The following FMNL2 variants were observed in gnomAD, a reference collection of about 807,000 sequenced individuals.
The protein encoded by FMNL2 is formin like 2.
In FMNL2, 51 loss-of-function variants were observed where a neutral mutation model predicts 130.2. That is an observed-to-expected ratio of 0.39 (90% CI 0.31 to 0.49). FMNL2 has a LOEUF of 0.49. Among genes scored for constraint, FMNL2 ranks in the 20% least tolerant of loss-of-function variants. The pLI is 0.85. For missense variants in FMNL2, 977 were observed against 1,316.2 expected (o/e 0.74, Z 3.99); for synonymous variants, 465 against 467.1 (o/e 1.00, Z 0.06).
At chr2:152,593,858 A>AGT (rs1697582954) in intron 9 of FMNL2, among the ~76,000 whole-genome samples, 10 of 101,570 alleles carry the variant, frequency 9.8e-5, no homozygotes, top group Non-Finnish European at 1.3e-4. Flanking sequence ...AGAGAGAGAG[A>AGT]GAGTGTGTGT....
intron 1 of FMNL2, among the ~76,000 whole-genome samples, chr2:152,456,639 T>C (rs1395612809): frequency 3.9e-5 from 6 of 152,042 alleles, no homozygotes; most frequent in Non-Finnish European, 7.4e-5. Flanking sequence ...TGGAGAGAAG[T>C]GGTGTATTTT....
intron 7 of FMNL2, among the ~76,000 whole-genome samples, chr2:152,577,257 C>T (rs1696528195): frequency 6.6e-6 from 1 of 152,030 alleles, no homozygotes; most frequent in African/African-American, 2.4e-5. Flanking sequence ...GGCACCAGGG[C>T]TTTTGTCTTG....
At chr2:152,531,709 C>G (rs1218954867) in intron 2 of FMNL2, among the ~76,000 whole-genome samples, 2 of 152,074 alleles carry the variant, frequency 1.3e-5, no homozygotes, top group Non-Finnish European at 2.9e-5. Flanking sequence ...CTCCTGACCT[C>G]AAGTGATCCC....
chr2:152,575,058 G>GTAGT (rs1696400200), intron 6 of FMNL2, 78 bp from the exon 7 acceptor site: 1 of 760,942 alleles, frequency 1.3e-6, no homozygotes, highest in Non-Finnish European at 2.2e-6. Context: ...CTGGTGAAGA[G>GTAGT]TAGTGTCTGT....
intron 1 of FMNL2, among the ~76,000 whole-genome samples, chr2:152,509,756 T>C (rs1374103348): frequency 1.5e-5 from 2 of 134,024 alleles, no homozygotes; most frequent in Non-Finnish European, 3.2e-5. Context: ...TTTTTTTTTT[T>C]TTTTTTTGAG....
intron 1 of FMNL2, among the ~76,000 whole-genome samples, chr2:152,440,668 T>C (rs1355200670): frequency 6.6e-6 from 1 of 152,148 alleles, no homozygotes; most frequent in Non-Finnish European, 1.5e-5. Context: ...GAAGAGTAAG[T>C]TGTTACAGGT....
intron 1 of FMNL2, among the ~76,000 whole-genome samples, chr2:152,340,338 G>A (rs755889796): frequency 6.6e-6 from 1 of 152,166 alleles, no homozygotes; most frequent in Non-Finnish European, 1.5e-5. Flanking sequence ...AGAAAAAAAG[G>A]GCCTGCGACT....
chr2:152,359,330 AG>A (rs1683024431), intron 1 of FMNL2, among the ~76,000 whole-genome samples: 1 of 152,198 alleles, frequency 6.6e-6, no homozygotes, highest in African/African-American at 2.4e-5. Context: ...ATTTAGGTGC[AG>A]AGTTTGAGCA....
chr2:152,639,720 C>T (rs567807567), intron 23 of FMNL2, among the ~76,000 whole-genome samples: 2 of 152,122 alleles, frequency 1.3e-5, no homozygotes, highest in African/African-American at 2.4e-5. Context: ...AAACAGGGAG[C>T]GATCATCAGG....
intron 9 of FMNL2, among the ~76,000 whole-genome samples, chr2:152,585,516 A>T (rs1044186283): frequency 2.0e-5 from 3 of 152,220 alleles, no homozygotes; most frequent in Non-Finnish European, 2.9e-5. Flanking sequence ...GATCGAAAAG[A>T]TGTTGAGAAA....
chr2:152,608,574 A>G (rs1172382873), intron 10 of FMNL2, among the ~76,000 whole-genome samples: 2 of 149,474 alleles, frequency 1.3e-5, no homozygotes, highest in African/African-American at 2.4e-5. Context: ...ATATGTGTCT[A>G]TATACTTTAT....
chr2:152,354,360 A>G (rs1192357640), intron 1 of FMNL2, among the ~76,000 whole-genome samples: 2 of 150,836 alleles, frequency 1.3e-5, no homozygotes, highest in African/African-American at 2.5e-5. Context: ...TGTAACTTGT[A>G]TATAGATGGT....
intron 1 of FMNL2, among the ~76,000 whole-genome samples, chr2:152,497,686 T>C (rs1034986448): frequency 6.6e-6 from 1 of 152,262 alleles, no homozygotes; most frequent in African/African-American, 2.4e-5. Context: ...TGAAAGGTGG[T>C]ATTTTTTGTT....
rs1372685725 is a variant in FMNL2, at chr2:152,537,518, G to C, written c.202-5221G>C. Among the ~76,000 whole-genome samples the C allele has an allele frequency of 5.3e-5, 8 of 152,322 alleles. No individual in the cohort carries two copies. The South Asian group carries it at 1.7e-3, about 32-fold the overall frequency. On this transcript the variant is annotated intron_variant, in intron 2 of 25. Coordinates refer to ENST00000288670, the MANE Select transcript of FMNL2 (RefSeq NM_052905.4). ...TCAGCAAATGTTCTTTGGCTCTGAC[G>C]TGAGCTTGACTAACTTATGTCTACT...
At chr2:152,354,723 T>G (rs745487963) in intron 1 of FMNL2, among the ~76,000 whole-genome samples, 3 of 152,198 alleles carry the variant, frequency 2.0e-5, no homozygotes, top group Non-Finnish European at 4.4e-5. Context: ...CTGATAAATA[T>G]CACTTTTGCC....
At chr2:152,363,562 CTT>C (rs150611360) in intron 1 of FMNL2, among the ~76,000 whole-genome samples, 1,507 of 149,690 alleles carry the variant, frequency 0.01, 18 homozygotes, top group African/African-American at 0.035. Flanking sequence ...TTTTTCTTTT[CTT>C]TTTTTTTTCC....
chr2:152,398,429 G>A lies in FMNL2; in HGVS notation c.117+62709G>A, dbSNP rs549054216. Among the ~76,000 whole-genome samples the A allele has an allele frequency of 3.3e-5, 5 of 152,270 alleles. No individual in the cohort carries two copies. The East Asian group carries it at 9.6e-4, about 29-fold the overall frequency. ...ATGTAAGATGCTTTATATATTGCTT[G>A]GTATACTTGGTAGGTCCTCAAGAAA... On this transcript the variant is annotated intron_variant, in intron 1 of 25. Transcript: ENST00000288670.
At chr2:152,550,125 A>G (rs1351619520) in intron 4 of FMNL2, among the ~76,000 whole-genome samples, 1 of 152,210 alleles carries the variant, frequency 6.6e-6, no homozygotes, top group Non-Finnish European at 1.5e-5. Flanking sequence ...CAATGTCATA[A>G]TGAAATAATG....
chr2:152,440,400 G>A (rs995743313), intron 1 of FMNL2, among the ~76,000 whole-genome samples: 2 of 152,188 alleles, frequency 1.3e-5, no homozygotes, highest in African/African-American at 4.8e-5. Flanking sequence ...ACAGTTGTCA[G>A]TACAGCCATA....
Sources: allele counts gnomAD v4.1 joint callset (sites outside exome capture counted in the v4.1 genomes callset), GRCh38; gene constraint gnomAD v4.1.1; transcripts MANE v1.5; gene names NCBI Gene and HGNC (gene_info 2026-07-23, HGNC 2026-07-21).